RHBDL1: variants seen among roughly 807,000 people sequenced by gnomAD.
The protein encoded by RHBDL1 is rhomboid like 1.
Under a neutral mutation model 34.0 loss-of-function variants are expected in RHBDL1, and 21 were observed. The observed-to-expected ratio is 0.62, with a 90% CI of 0.44 to 0.89. The LOEUF (loss-of-function observed/expected upper bound fraction) is 0.89. RHBDL1 is among the 40% of genes least tolerant of loss of function. RHBDL1 has a pLI of 0.00. For synonymous variants in RHBDL1, 268 were observed against 234.8 expected (o/e 1.14, Z -1.29); for missense variants, 450 against 530.6 (o/e 0.85, Z 1.49).
At position 678,072 on chromosome 16, in the gene RHBDL1, C is replaced by T; in HGVS notation, c.*20C>T. On this transcript the variant is annotated 3_prime_UTR_variant, in exon 8 of 8. Coordinates refer to ENST00000352681, the MANE Select transcript of RHBDL1 (RefSeq NM_001278720.2). ...CCCTGACCGGCTACCTGAGGCTGCA[C>T]AGGCCAGGGCTCGGGCATGTGGTGG... 2.0e-6 allele frequency: 3 copies of T among 1,526,874 alleles called. No homozygotes were observed. The highest frequency in any genetic ancestry group is 2.5e-5 in the South Asian group (2 of 80,046). 94.6% of individuals were successfully genotyped at this position (1,526,874 alleles called of 1,614,324 possible).
In RHBDL1 at chr16:677,480, C is replaced by T; in HGVS notation, c.710C>T (p.Thr237Ile). Reference protein sequence around the residue: ...VLAGSLTVSITDMRAPVVGGS... With the variant: ...VLAGSLTVSIIDMRAPVVGGS... The stretch of plus-strand genomic sequence containing the variant: ...ACAGGCTCCCTAACCGTCTCCATCA[C>T]CGACATGCGGGCCCCGGTGGTGGGA... The change falls in exon 6 of 8, where the codon ACC becomes ATC. Residue 237 changes from threonine (T) to isoleucine (I), a missense_variant. Physicochemically the swap from Thr to Ile is moderately conservative, Grantham distance 89. Transcript: ENST00000352681. 6.2e-7 allele frequency: 1 copy of T among 1,608,280 alleles called. No homozygotes were observed. The highest frequency in any genetic ancestry group is 1.1e-5 in the South Asian group (1 of 90,882).
Position 677,700 on chromosome 16 carries a change from G to T in RHBDL1, c.850+1G>T. The T allele has an allele frequency of 6.5e-7, 1 of 1,535,080 alleles. No homozygotes were observed. The highest frequency in any genetic ancestry group is 8.8e-7 in the Non-Finnish European group (1 of 1,140,868). ...AGGATGGTGCTGGCCTTGGTGTGCA[G>T]TGAGTAGGGGCCGGGGGGAGGGCCG... On this transcript the variant is annotated splice_donor_variant, in intron 7 of 7. Transcript: ENST00000352681. LOFTEE classifies it high-confidence loss of function.
chr16:675,862 C>A, intron 1 of RHBDL1, 33 bp downstream of exon 1: 2 of 1,494,916 alleles, frequency 1.3e-6, no homozygotes, highest in South Asian at 1.3e-5. Context: ...GAGCTGGCAC[C>A]GCCCCCAATG....
At position 676,834 on chromosome 16, in the gene RHBDL1, T is replaced by TCCGTC; in HGVS notation, c.364_365insCCGTC (p.Tyr122SerfsTer47). 6.2e-7 allele frequency: 1 copy of TCCGTC among 1,610,910 alleles called. No individual in the cohort carries two copies. Among genetic ancestry groups the TCCGTC allele is most frequent in the Non-Finnish European group, 8.5e-7 (1 of 1,179,620 alleles). ...GCCTTGTGAGGTGGACCGCCGCTGG[T>TCCGTC]ACTTCTACCGTCACCGCAGCTGCCC... On this transcript the variant is annotated frameshift_variant, in exon 3 of 8. Transcript: ENST00000352681. LOFTEE classifies it high-confidence loss of function. The surrounding 1 kb of genome is among the most constrained non-coding windows in gnomAD (Gnocchi z 6.9).
In RHBDL1 at chr16:677,494, C is replaced by T; in HGVS notation, c.724C>T (p.Pro242Ser). 6.2e-7 allele frequency: 1 copy of T among 1,609,108 alleles called. No individual in the cohort carries two copies. The highest frequency in any genetic ancestry group is 8.5e-7 in the Non-Finnish European group (1 of 1,179,700). The change falls in exon 6 of 8, where the codon CCG (proline) becomes TCG (serine). Residue 242 changes from proline (P) to serine (S), a missense_variant. By Grantham distance (74) the Pro-to-Ser change is moderately conservative (BLOSUM62 -1). Coordinates refer to ENST00000352681, the MANE Select transcript of RHBDL1 (RefSeq NM_001278720.2). ...CGTCTCCATCACCGACATGCGGGCC[C>T]CGGTGGTGGGAGGCTCCGGCGGGGT... ...LTVSITDMRAPVVGGSGGVYA... is the reference protein window; with the variant it reads ...LTVSITDMRASVVGGSGGVYA...
rs547212740 is a variant in RHBDL1, at chr16:675,760, G to A, written c.-31G>A. 9.0e-5 allele frequency: 130 copies of A among 1,437,060 alleles called. No individual in the cohort carries two copies. The East Asian group carries it at 2.0e-3, about 22-fold the overall frequency. The allele number at this position is 1,437,060 out of a possible 1,614,324, so 89.0% of individuals were successfully genotyped here. ...GCAGCCCCTCCCGGCCGCGGCCGCC[G>A]ACCCCGGACCCCGGCCCCCGGCCAG... is the stretch of plus-strand genomic sequence containing the variant. On this transcript the variant is annotated 5_prime_UTR_variant, in exon 1 of 8. Transcript: ENST00000352681.
In RHBDL1 at chr16:676,168, C is replaced by G; in HGVS notation, c.40-168C>G. ...GGACTGGGACCCAGGCACCAGTGCC[C>G]TGCCAGCTCCTGGGATCAAGCAGGG... On this transcript the variant is annotated intron_variant, in intron 1 of 7. Coordinates refer to ENST00000352681, the MANE Select transcript of RHBDL1 (RefSeq NM_001278720.2). This position sits in a 1 kb window ranked among gnomAD's most constrained non-coding sequence, Gnocchi z 6.9. 1 of 1,485,816 alleles carries G rather than the reference C, an allele frequency of 6.7e-7. No individual in the cohort carries two copies. The allele number at this position is 1,485,816 out of a possible 1,614,324, so 92.0% of individuals were successfully genotyped here. A position where few individuals can be genotyped will look rare whatever the true frequency, so the allele number is the denominator to read the frequency against.
chr16:676,060 G>C lies in RHBDL1; in HGVS notation c.39+231G>C, dbSNP rs769590348. On this transcript the variant is annotated intron_variant, in intron 1 of 7. Coordinates refer to ENST00000352681, the MANE Select transcript of RHBDL1 (RefSeq NM_001278720.2). This position sits in a 1 kb window ranked among gnomAD's most constrained non-coding sequence, Gnocchi z 6.9. ...AGGGAGGGAGGGAGGGAGGGAGGGC[G>C]GGCAGCTGGCTGGTCTTGGACCTTG... 9 of 1,433,206 alleles carry C rather than the reference G, an allele frequency of 6.3e-6. No individual in the cohort carries two copies. The highest frequency in any genetic ancestry group is 8.3e-6 in the Non-Finnish European group (9 of 1,088,856). 88.8% of individuals were successfully genotyped at this position (1,433,206 alleles called of 1,614,324 possible).
At position 677,528 on chromosome 16, in the gene RHBDL1, T is replaced by C. The variant is rs971040252; in HGVS notation, c.758T>C (p.Leu253Pro). ...GGAGGCTCCGGCGGGGTCTACGCCC[T>C]GTGCTCGGCACACCTGGCCAACGTT... ...VVGGSGGVYALCSAHLANVVM... is the reference protein window; with the variant it reads ...VVGGSGGVYAPCSAHLANVVM... Residue 253 changes from leucine (L) to proline (P), a missense_variant, in exon 6 of 8, where the codon CTG (leucine) becomes CCG (proline). Leu to Pro is a moderately conservative substitution (Grantham distance 98). Transcript: ENST00000352681. The C allele has an allele frequency of 1.2e-6, 2 of 1,610,080 alleles. No individual in the cohort carries two copies. The highest frequency in any genetic ancestry group is 1.7e-6 in the Non-Finnish European group (2 of 1,179,650).
At chr16:677,608 C>G in intron 6 of RHBDL1, 31 bp from the exon 7 acceptor site, 2 of 1,603,252 alleles carry the variant, frequency 1.2e-6, no homozygotes, top group South Asian at 2.2e-5. Context: ...CCAGGTGAGC[C>G]TCACCACTTC....
At position 675,813 on chromosome 16, in the gene RHBDL1, A is replaced by G. The variant is rs2039522599; in HGVS notation, c.23A>G (p.Gln8Arg). 1.3e-6 allele frequency: 2 copies of G among 1,514,404 alleles called. No individual in the cohort carries two copies. The highest frequency in any genetic ancestry group is 1.2e-5 in the South Asian group (1 of 81,358). 93.8% of individuals were successfully genotyped at this position (1,514,404 alleles called of 1,614,324 possible). MDRSSLL[Q>R]LIQEQQLDPE... ...TCTATGGACAGGAGCTCGCTGCTGC[A>G]GCTCATCCAGGAGCAGGTGCGTCGG... Residue 8 changes from glutamine to arginine, a missense_variant, in exon 1 of 8, where the codon CAG becomes CGG. Transcript: ENST00000352681.
Position 675,752 on chromosome 16 carries a change from C to A in RHBDL1, c.-39C>A. The A allele has an allele frequency of 7.2e-7, 1 of 1,392,604 alleles. No individual in the cohort carries two copies. Among genetic ancestry groups the A allele is most frequent in the Non-Finnish European group, 9.5e-7 (1 of 1,051,826 alleles). The allele number at this position is 1,392,604 out of a possible 1,614,324, so 86.3% of individuals were successfully genotyped here. A position where few individuals can be genotyped will look rare whatever the true frequency, so the allele number is the denominator to read the frequency against. ...TCCGCAGAGCAGCCCCTCCCGGCCG[C>A]GGCCGCCGACCCCGGACCCCGGCCC... is the stretch of plus-strand genomic sequence containing the variant. On this transcript the variant is annotated 5_prime_UTR_variant, in exon 1 of 8. Transcript: ENST00000352681.
At position 677,810 on chromosome 16, in the gene RHBDL1, C is replaced by T. The variant is rs2039577209; in HGVS notation, c.880C>T (p.Leu294=). 12 of 1,562,760 alleles carry T rather than the reference C, an allele frequency of 7.7e-6. No homozygotes were observed. The highest frequency in any genetic ancestry group is 1.0e-5 in the Non-Finnish European group (12 of 1,159,272). ...CTCCGAGGTGGGCCGGGCCGTGTGG[C>T]TGCGCTTCTCCCCGCCGCTGCCCGC... ...MSSEVGRAVW[L]RFSPPLPASG... is the part of the protein sequence containing the mutation. Residue 294 remains leucine (L), a synonymous_variant, in exon 8 of 8, where the codon CTG becomes TTG. Transcript: ENST00000352681.
chr16:676,842 C>A lies in RHBDL1; in HGVS notation c.372C>A (p.Tyr124Ter), dbSNP rs748530199. 1 of 1,611,928 alleles carries A rather than the reference C, an allele frequency of 6.2e-7. No homozygotes were observed. ...AGGTGGACCGCCGCTGGTACTTCTA[C>A]CGTCACCGCAGCTGCCCACCCCCCG... The part of the protein sequence containing the change: ...PCEVDRRWYF[Y>*]RHRSCPPPVF... Residue 124 changes from tyrosine (Y) to a stop codon, truncating the protein, a stop_gained, in exon 3 of 8, where the codon TAC becomes TAA. Coordinates refer to ENST00000352681, the MANE Select transcript of RHBDL1 (RefSeq NM_001278720.2). LOFTEE classifies it high-confidence loss of function. This position sits in a 1 kb window ranked among gnomAD's most constrained non-coding sequence, Gnocchi z 6.9.
In RHBDL1 at chr16:676,109, G is replaced by A; in HGVS notation, c.40-227G>A. On this transcript the variant is annotated intron_variant, in intron 1 of 7. Coordinates refer to ENST00000352681, the MANE Select transcript of RHBDL1 (RefSeq NM_001278720.2). The surrounding 1 kb of genome is among the most constrained non-coding windows in gnomAD (Gnocchi z 6.9). The stretch of plus-strand genomic sequence containing the variant: ...TGGCCCTCGCTTTCCAGGATGGGTA[G>A]GGTGGAAGACGGGGGAACAACTGAG... The A allele has an allele frequency of 1.4e-6, 2 of 1,451,650 alleles. No homozygotes were observed. The highest frequency in any genetic ancestry group is 1.8e-6 in the Non-Finnish European group (2 of 1,098,352). 89.9% of individuals were successfully genotyped at this position (1,451,650 alleles called of 1,614,324 possible). A position where few individuals can be genotyped will look rare whatever the true frequency, so the allele number is the denominator to read the frequency against.
chr16:677,866 C>T lies in RHBDL1; in HGVS notation c.936C>T (p.His312=). The change falls in exon 8 of 8, where the codon CAC becomes CAT. Residue 312 remains histidine, a synonymous_variant. Transcript: ENST00000352681. ...GCCCACAGCCCAGCTTCATGGCGCA[C>T]CTGGCAGGCGCGGTGGTGGGGGTGA... ...ASGPQPSFMA[H]LAGAVVGVSM... The T allele has an allele frequency of 6.3e-7, 1 of 1,596,122 alleles. No individual in the cohort carries two copies. The highest frequency in any genetic ancestry group is 8.5e-7 in the Non-Finnish European group (1 of 1,176,836).
chr16:676,467 C>G lies in RHBDL1; in HGVS notation c.171C>G (p.Gly57=), dbSNP rs775334989. ...CCCTGGCTCAGAGCAACGAGCAGGG[C>G]CAGGTCTGCTACCAGGAGCTGGTGG... The part of the protein sequence containing the change: ...LVALAQSNEQ[G]QVCYQELVDL... Residue 57 remains glycine (G), a synonymous_variant, in exon 2 of 8, where the codon GGC becomes GGG. Transcript: ENST00000352681. The surrounding 1 kb of genome is among the most constrained non-coding windows in gnomAD (Gnocchi z 6.9). The G allele has an allele frequency of 1.3e-6, 2 of 1,598,870 alleles. No individual in the cohort carries two copies. Among genetic ancestry groups the G allele is most frequent in the Non-Finnish European group, 1.7e-6 (2 of 1,175,142 alleles).
chr16:677,322 G>A lies in RHBDL1; in HGVS notation c.622G>A (p.Val208Met). 4 of 1,574,260 alleles carry A rather than the reference G, an allele frequency of 2.5e-6. No homozygotes were observed. The highest frequency in any genetic ancestry group is 3.4e-6 in the Non-Finnish European group (4 of 1,160,664). Residue 208 changes from valine to methionine, a missense_variant, in exon 5 of 8, where the codon GTG becomes ATG. Transcript: ENST00000352681. ...FNALLQLMIGVPLEMVHGLLR... is the reference protein window; with the variant it reads ...FNALLQLMIGMPLEMVHGLLR... ...CGCCCTCCTGCAGCTGATGATCGGG[G>A]TGCCCCTGGAGATGGTGCACGGCCT...
At position 676,559 on chromosome 16, in the gene RHBDL1, C is replaced by A. The variant is rs1318826019; in HGVS notation, c.201+62C>A. ...GTCCTGGCCAGAGGAGGCGGGCAGG[C>A]AGCTCCTCACGGCGGTGGGTGGGGG... is the stretch of plus-strand genomic sequence containing the variant. On this transcript the variant is annotated intron_variant, in intron 2 of 7. Coordinates refer to ENST00000352681, the MANE Select transcript of RHBDL1 (RefSeq NM_001278720.2). This position sits in a 1 kb window ranked among gnomAD's most constrained non-coding sequence, Gnocchi z 6.9. The A allele has an allele frequency of 5.1e-6, 8 of 1,568,362 alleles. No homozygotes were observed. The Admixed American group carries it at 1.2e-4, about 24-fold the overall frequency.
Sources: gnomAD v4.1 joint callset for allele counts on GRCh38, gnomAD v4.1.1 for gene constraint, Gnocchi (gnomAD v3.1) non-coding constraint, MANE v1.5 for transcripts, NCBI Gene and HGNC (gene_info 2026-07-23, HGNC 2026-07-21) for gene names.